The following MPIG6B variants were observed in gnomAD, a reference collection of about 807,000 sequenced individuals.
MPIG6B encodes the protein immunoglobulin receptor.
A neutral mutation model predicts 24.2 loss-of-function variants in MPIG6B; 22 were observed. That is an observed-to-expected ratio of 0.91 (90% CI 0.65 to 1.30). The LOEUF is 1.30. Ranked by LOEUF, MPIG6B falls within the 50% of genes most tolerant of loss-of-function variation. The probability of loss-of-function intolerance (pLI) is 0.00; values close to 1 mark genes in which losing one functional copy is unlikely to be tolerated. For synonymous variants in MPIG6B, 136 were observed against 142.0 expected (o/e 0.96, Z 0.30); for missense variants, 301 against 318.5 (o/e 0.94, Z 0.42).
At chr6:31,721,859 G>C (rs1263484148), upstream of MPIG6B, 2 of 645,356 alleles carry the variant, frequency 3.1e-6, no homozygotes, top group African/African-American at 3.6e-5. Context: ...AAAGACAAGG[G>C]GTGGGAAGGC....
At chr6:31,724,107 C>A in intron 2 of MPIG6B, 35 bp from the exon 3 acceptor site, 1 of 1,591,990 alleles carries the variant, frequency 6.3e-7, no homozygotes, top group Non-Finnish European at 8.6e-7. Context: ...AAACCCCTGA[C>A]CTCAGCATCC....
chr6:31,721,840 G>T, upstream of MPIG6B: 1 of 695,598 alleles, frequency 1.4e-6, no homozygotes, highest in South Asian at 1.8e-5. Context: ...CTACGCAGCT[G>T]ACCAGAGAAA....
At chr6:31,723,326 C>A, upstream of MPIG6B, 5 of 1,498,372 alleles carry the variant, frequency 3.3e-6, no homozygotes, top group Non-Finnish European at 3.7e-6. The surrounding 1 kb of genome is among the most constrained non-coding windows in gnomAD (Gnocchi z 4.3). Flanking sequence ...TCCGGTCCCC[C>A]CCCAACCGGC....
Position 31,724,123 on chromosome 6 carries a change from C to A in MPIG6B, c.410-19C>A. ...AACCCCTGACCTCAGCATCCCTCCC[C>A]GCCACGCCTTTCCCCCAGGGTCCGT... On this transcript the variant is annotated intron_variant, in intron 2 of 5. Transcript: ENST00000649779. 1 of 1,607,540 alleles carries A rather than the reference C, an allele frequency of 6.2e-7. No individual in the cohort carries two copies. The highest frequency in any genetic ancestry group is 8.5e-7 in the Non-Finnish European group (1 of 1,175,960).
chr6:31,723,342 G>T (rs1350934693), upstream of MPIG6B: 1 of 1,412,698 alleles, frequency 7.1e-7, no homozygotes, highest in East Asian at 3.3e-5. This position sits in a 1 kb window ranked among gnomAD's most constrained non-coding sequence, Gnocchi z 4.3. Context: ...CCGGCCCCAC[G>T]CCGCTGATTC....
intron 5 of MPIG6B, 22 bp downstream of exon 5, chr6:31,724,866 G>T: frequency 6.2e-7 from 1 of 1,613,260 alleles, no homozygotes. Context: ...GGGATGGGAA[G>T]GGGATAGCCA....
chr6:31,721,845 G>C, upstream of MPIG6B: 1 of 676,416 alleles, frequency 1.5e-6, no homozygotes, highest in East Asian at 2.7e-5. Context: ...CAGCTGACCA[G>C]AGAAAAGACA....
chr6:31,721,592 A>C, upstream of MPIG6B: 1 of 1,603,346 alleles, frequency 6.2e-7, no homozygotes. Context: ...GGTCCTGACC[A>C]GGCAAACCAG....
upstream of MPIG6B, chr6:31,722,972 A>C (rs1366180163): frequency 2.1e-5 from 6 of 284,630 alleles, no homozygotes; most frequent in South Asian, 3.8e-5. Flanking sequence ...CCTACAAAAC[A>C]GGAGTTTTTT....
In MPIG6B at chr6:31,725,333, T is replaced by A; in HGVS notation, c.*259T>A. 1 of 329,704 alleles carries A rather than the reference T, an allele frequency of 3.0e-6. No homozygotes were observed. Among genetic ancestry groups the A allele is most frequent in the Non-Finnish European group, 5.5e-6 (1 of 180,484 alleles). The allele number at this position is 329,704 out of a possible 1,614,324, so 20.4% of individuals were successfully genotyped here. On this transcript the variant is annotated 3_prime_UTR_variant, in exon 6 of 6. Transcript: ENST00000649779. This position sits in a 1 kb window ranked among gnomAD's most constrained non-coding sequence, Gnocchi z 5.2. ...ATACCCAATCAAGCCCTAGCTCCTT[T>A]TTTTTTTTTTTTTGAGACGGAGTCT...
Position 31,724,154 on chromosome 6 carries a change from C to T in MPIG6B, c.422C>T (p.Pro141Leu), listed in dbSNP as rs1235439594. Residue 141 changes from proline (P) to leucine (L), a missense_variant, in exon 3 of 6, where the codon CCC (proline) becomes CTC (leucine). By Grantham distance (98) the Pro-to-Leu change is moderately conservative. Transcript: ENST00000649779. Reference sequence around the variant, plus strand: ...GCCTTTCCCCCAGGGTCCGTGTATCCCCAGCTCCTGATCCCGCTGCTGGGC... The same window carrying T: ...GCCTTTCCCCCAGGGTCCGTGTATCTCCAGCTCCTGATCCCGCTGCTGGGC... ...APGPTHGSVY[P>L]QLLIPLLGAG... 6.2e-7 allele frequency: 1 copy of T among 1,612,972 alleles called. No individual in the cohort carries two copies. Among genetic ancestry groups the T allele is most frequent in the Admixed American group, 1.7e-5 (1 of 59,946 alleles).
At position 31,723,830 on chromosome 6, in the gene MPIG6B, C is replaced by T. The variant is rs1466935264; in HGVS notation, c.253C>T (p.Arg85Cys). 5.6e-6 allele frequency: 9 copies of T among 1,613,092 alleles called. No individual in the cohort carries two copies. Among genetic ancestry groups the T allele is most frequent in the Admixed American group, 1.7e-5 (1 of 59,760 alleles). Residue 85 changes from arginine to cysteine, a missense_variant, in exon 2 of 6, where the codon CGC becomes TGC. By Grantham distance (180) the Arg-to-Cys change is radical (BLOSUM62 -3). Transcript: ENST00000649779. This position sits in a 1 kb window ranked among gnomAD's most constrained non-coding sequence, Gnocchi z 4.3. ...PPLQPFVGRL[R>C]SLDSGIRRLE... ...CCTCCAGCCTTTCGTCGGCCGCCTA[C>T]GCTCCCTGGACTCTGGTATCCGGCG...
upstream of MPIG6B, among the ~76,000 whole-genome samples, chr6:31,722,080 C>T (rs2151295709): frequency 6.6e-6 from 1 of 152,302 alleles, no homozygotes; most frequent in East Asian, 1.9e-4. Flanking sequence ...TCTGCTGGTT[C>T]CTGGAAAATG....
In MPIG6B at chr6:31,725,222, G is replaced by A; in HGVS notation, c.*148G>A. ...GGGAGTTGGGAGACCTGGGTTCCAG[G>A]CTGTCTCTGCCACTGGTCTTACTTC... On this transcript the variant is annotated 3_prime_UTR_variant, in exon 6 of 6. Transcript: ENST00000649779. The surrounding 1 kb of genome is among the most constrained non-coding windows in gnomAD (Gnocchi z 5.2). 1.6e-6 allele frequency: 1 copy of A among 621,122 alleles called. No individual in the cohort carries two copies. Among genetic ancestry groups the A allele is most frequent in the Non-Finnish European group, 2.9e-6 (1 of 350,408 alleles). 38.5% of individuals were successfully genotyped at this position (621,122 alleles called of 1,614,324 possible).
chr6:31,721,995 A>T (rs1036828171), upstream of MPIG6B: 3 of 416,880 alleles, frequency 7.2e-6, no homozygotes, highest in Non-Finnish European at 1.3e-5. Context: ...TCCCCAGCTA[A>T]GAGTCCTGCT....
In MPIG6B at chr6:31,725,477, G is replaced by A. The variant is rs957850646; in HGVS notation, c.*403G>A. 1.8e-4 allele frequency: 31 copies of A among 174,938 alleles called. No individual in the cohort carries two copies. The highest frequency in any genetic ancestry group is 3.5e-4 in the Non-Finnish European group (29 of 83,210). 10.8% of individuals were successfully genotyped at this position (174,938 alleles called of 1,614,324 possible). A position where few individuals can be genotyped will look rare whatever the true frequency, so the allele number is the denominator to read the frequency against. On this transcript the variant is annotated 3_prime_UTR_variant, in exon 6 of 6. Transcript: ENST00000649779. The surrounding 1 kb of genome is among the most constrained non-coding windows in gnomAD (Gnocchi z 5.2). ...TGAGTAGCTGGGACTACAGGCGCCC[G>A]CCACCACGCCCAGCTAATTTTTTGT...
intron 5 of MPIG6B, 37 bp downstream of exon 5, chr6:31,724,881 C>A (rs1344616702): frequency 6.2e-7 from 1 of 1,609,544 alleles, no homozygotes. Context: ...TAGCCAGAAT[C>A]TCTGAGGAAA....
Position 31,725,433 on chromosome 6 carries a change from T to G in MPIG6B, c.*359T>G. 4.9e-6 allele frequency: 1 copy of G among 203,194 alleles called. No homozygotes were observed. The highest frequency in any genetic ancestry group is 2.3e-5 in the African/African-American group (1 of 42,786). The allele number at this position is 203,194 out of a possible 1,614,324, so 12.6% of individuals were successfully genotyped here. A position where few individuals can be genotyped will look rare whatever the true frequency, so the allele number is the denominator to read the frequency against. ...AGCTCCGCCTGCCGGGTTCACACCA[T>G]TCTCCTGCCTCAGGCTCCTGAGTAG... On this transcript the variant is annotated 3_prime_UTR_variant, in exon 6 of 6. Transcript: ENST00000649779. The surrounding 1 kb of genome is among the most constrained non-coding windows in gnomAD (Gnocchi z 5.2).
chr6:31,724,745 G>A lies in MPIG6B; in HGVS notation c.542-20G>A. On this transcript the variant is annotated intron_variant, in intron 4 of 5. Transcript: ENST00000649779. ...TTGGTCACCTTCTCTCCATCCTTCA[G>A]CTCTGTCCCCCCCACATAGCTCCAC... 1 of 1,613,920 alleles carries A rather than the reference G, an allele frequency of 6.2e-7. No individual in the cohort carries two copies. Among genetic ancestry groups the A allele is most frequent in the Non-Finnish European group, 8.5e-7 (1 of 1,179,898 alleles).
Sources: allele counts gnomAD v4.1 joint callset (sites outside exome capture counted in the v4.1 genomes callset), GRCh38; gene constraint gnomAD v4.1.1; non-coding constraint Gnocchi (gnomAD v3.1); transcripts MANE v1.5; gene names NCBI Gene and HGNC (gene_info 2026-07-23, HGNC 2026-07-21).